PALS2: variants seen among roughly 807,000 people sequenced by gnomAD.
PALS2 encodes the protein protein PALS2.
A neutral mutation model predicts 61.6 loss-of-function variants in PALS2; 27 were observed. The ratio of observed to expected loss-of-function variants is 0.44; its 90% CI spans 0.32 to 0.60. PALS2 has a LOEUF of 0.60. Ranked by LOEUF, PALS2 falls within the 20% of genes least tolerant of loss-of-function variation. The pLI, the probability that PALS2 is intolerant of heterozygous loss-of-function variation, is 0.05. For synonymous variants in PALS2, 236 were observed against 218.6 expected (o/e 1.08, Z -0.70); for missense variants, 554 against 639.4 (o/e 0.87, Z 1.44).
chr7:24,689,279 A>C lies in PALS2; in HGVS notation c.*1665A>C. On this transcript the variant is annotated 3_prime_UTR_variant, in exon 12 of 12. Coordinates refer to ENST00000222644, the MANE Select transcript of PALS2 (RefSeq NM_001303037.2). ...CAGAGATGCAGCTCATTATTAAATT[A>C]AGGTAACCACATTCTGTATTGTTGC... 6.6e-6 allele frequency: 1 copy of C among 152,220 alleles called. No individual in the cohort carries two copies. 9.4% of individuals were successfully genotyped at this position (152,220 alleles called of 1,614,324 possible).
intron 2 of PALS2, among the ~76,000 whole-genome samples, chr7:24,631,054 A>T (rs929530255): frequency 6.6e-6 from 1 of 152,202 alleles, no homozygotes. Flanking sequence ...AGTTAAATAC[A>T]TTTCATAGGA....
intron 10 of PALS2, among the ~76,000 whole-genome samples, chr7:24,679,712 A>C (rs903796861): frequency 1.6e-5 from 2 of 121,508 alleles, no homozygotes; most frequent in Non-Finnish European, 3.2e-5. Context: ...ACACACATGC[A>C]CACCTCTACA....
intron 1 of PALS2, among the ~76,000 whole-genome samples, chr7:24,602,345 T>G (rs534526747): frequency 1.1e-4 from 16 of 152,254 alleles, no homozygotes; most frequent in Non-Finnish European, 1.0e-4. Context: ...TTACTAGGCT[T>G]TTCTCAGCTA....
chr7:24,609,640 C>G (rs1408218625), intron 1 of PALS2, among the ~76,000 whole-genome samples: 1 of 151,946 alleles, frequency 6.6e-6, no homozygotes, highest in Non-Finnish European at 1.5e-5. Flanking sequence ...GGCAATCTCC[C>G]TTCCTCCATC....
chr7:24,607,872 A>G lies in PALS2; in HGVS notation c.-2-15794A>G, dbSNP rs202102640. The stretch of plus-strand genomic sequence containing the variant: ...AAAATCACTAAGATTTTATTAAACA[A>G]TTGCATTCATGTAAATAAAAATTGA... On this transcript the variant is annotated intron_variant, in intron 1 of 11. Transcript: ENST00000222644. Among the ~76,000 whole-genome samples the G allele has an allele frequency of 1.8e-4, 27 of 152,188 alleles. No homozygotes were observed. In the East Asian group the frequency reaches 3.5e-3, roughly 20 times the overall value.
rs753767901 is a variant in PALS2, at chr7:24,687,992, A to G, written c.*378A>G. ...ACTGTGATAATGAATATTACTTGAAATAGTTTTGTAAAGCTGTCATTTAGT... is the reference window on the plus strand; with the variant it reads ...ACTGTGATAATGAATATTACTTGAAGTAGTTTTGTAAAGCTGTCATTTAGT... On this transcript the variant is annotated 3_prime_UTR_variant, in exon 12 of 12. Coordinates refer to ENST00000222644, the MANE Select transcript of PALS2 (RefSeq NM_001303037.2). This position sits in a 1 kb window ranked among gnomAD's most constrained non-coding sequence, Gnocchi z 4.5. The G allele has an allele frequency of 4.4e-4, 69 of 156,068 alleles. No homozygotes were observed. The highest frequency in any genetic ancestry group is 8.6e-4 in the Non-Finnish European group (61 of 70,730). The allele number at this position is 156,068 out of a possible 1,614,324, so 9.7% of individuals were successfully genotyped here.
intron 1 of PALS2, among the ~76,000 whole-genome samples, chr7:24,584,028 A>T (rs1422341112): frequency 2.0e-5 from 3 of 149,966 alleles, no homozygotes; most frequent in Non-Finnish European, 4.5e-5. Context: ...TCCATGGTGT[A>T]TATGTGCCAC....
chr7:24,679,307 A>G lies in PALS2; in HGVS notation c.1291A>G (p.Thr431Ala). 1 of 1,614,002 alleles carries G rather than the reference A, an allele frequency of 6.2e-7. No individual in the cohort carries two copies. The highest frequency in any genetic ancestry group is 8.5e-7 in the Non-Finnish European group (1 of 1,179,922). ...TCTTGAGGTTGTCCAAACTGGACGGACTTGCATTCTGGATGTCAACCCACA... is the reference window on the plus strand; with the variant it reads ...TCTTGAGGTTGTCCAAACTGGACGGGCTTGCATTCTGGATGTCAACCCACA... ...SILEVVQTGR[T>A]CILDVNPQAL... Residue 431 changes from threonine (T) to alanine (A), a missense_variant, in exon 10 of 12, where the codon ACT becomes GCT. By Grantham distance (58) the Thr-to-Ala change is moderately conservative. Transcript: ENST00000222644.
intron 2 of PALS2, among the ~76,000 whole-genome samples, chr7:24,626,187 G>T (rs1245933809): frequency 6.6e-6 from 1 of 151,942 alleles, no homozygotes; most frequent in East Asian, 1.9e-4. Context: ...AACATTTTAG[G>T]ATCAAAAATA....
chr7:24,612,883 C>A (rs943070415), intron 1 of PALS2, among the ~76,000 whole-genome samples: 1 of 151,776 alleles, frequency 6.6e-6, no homozygotes, highest in Non-Finnish European at 1.5e-5. Context: ...CTTGTCTAGT[C>A]CCTGACTTAA....
intron 9 of PALS2, among the ~76,000 whole-genome samples, chr7:24,673,002 G>A (rs1787378054): frequency 6.6e-6 from 1 of 152,164 alleles, no homozygotes; most frequent in African/African-American, 2.4e-5. Flanking sequence ...TAAGGAGAAA[G>A]GAGAAAGCAT....
At chr7:24,657,715 T>C (rs1195530114) in intron 5 of PALS2, among the ~76,000 whole-genome samples, 1 of 152,180 alleles carries the variant, frequency 6.6e-6, no homozygotes, top group Non-Finnish European at 1.5e-5. Flanking sequence ...TGAAATCCAA[T>C]TTATGATTTT....
chr7:24,584,494 C>G (rs1435727427), intron 1 of PALS2, among the ~76,000 whole-genome samples: 53 of 147,002 alleles, frequency 3.6e-4, no homozygotes, highest in African/African-American at 1.1e-3. Flanking sequence ...CCTTCGCCCA[C>G]TTTTTGATGG....
In PALS2 at chr7:24,577,534, C is replaced by T. The variant is rs560902479; in HGVS notation, c.-3+3941C>T. Among the ~76,000 whole-genome samples the T allele has an allele frequency of 9.9e-5, 15 of 152,254 alleles. No homozygotes were observed. In the East Asian group the frequency reaches 1.9e-3, roughly 20 times the overall value. ...ATTTAATCCCTCCTTCACCAATTTA[C>T]ATCTTTTCCTCTTAAATCTATCATT... On this transcript the variant is annotated intron_variant, in intron 1 of 11. Coordinates refer to ENST00000222644, the MANE Select transcript of PALS2 (RefSeq NM_001303037.2).
At chr7:24,664,189 A>G (rs569310302) in intron 6 of PALS2, among the ~76,000 whole-genome samples, 1 of 152,140 alleles carries the variant, frequency 6.6e-6, no homozygotes, top group Non-Finnish European at 1.5e-5. Context: ...CCCTCTTCTC[A>G]GATATTGGGA....
At position 24,689,944 on chromosome 7, in the gene PALS2, A is replaced by G. The variant is rs1398076997; in HGVS notation, c.*2330A>G. 2.0e-5 allele frequency: 3 copies of G among 152,216 alleles called. No individual in the cohort carries two copies. Among genetic ancestry groups the G allele is most frequent in the African/African-American group, 7.2e-5 (3 of 41,452 alleles). 9.4% of individuals were successfully genotyped at this position (152,216 alleles called of 1,614,324 possible). A position where few individuals can be genotyped will look rare whatever the true frequency, so the allele number is the denominator to read the frequency against. The stretch of plus-strand genomic sequence containing the variant: ...GCAGCACAAGAAGTTTATCTGCAAA[A>G]TATTTCAATCATCTTGGTACAATAG... On this transcript the variant is annotated 3_prime_UTR_variant, in exon 12 of 12. Transcript: ENST00000222644.
At chr7:24,579,338 G>T (rs1782751784) in intron 1 of PALS2, among the ~76,000 whole-genome samples, 1 of 152,210 alleles carries the variant, frequency 6.6e-6, no homozygotes, top group Non-Finnish European at 1.5e-5. Flanking sequence ...ATCTGATGTG[G>T]TTGAAATTTC....
intron 11 of PALS2, among the ~76,000 whole-genome samples, chr7:24,681,447 A>T (rs1787923107): frequency 6.6e-6 from 1 of 152,130 alleles, no homozygotes; most frequent in African/African-American, 2.4e-5. Flanking sequence ...CATTTAAAAC[A>T]TACCATTAAT....
At chr7:24,658,841 C>G (rs1786566183) in intron 5 of PALS2, among the ~76,000 whole-genome samples, 1 of 152,022 alleles carries the variant, frequency 6.6e-6, no homozygotes, top group Non-Finnish European at 1.5e-5. Flanking sequence ...AGGTGTGAGC[C>G]ACTGCACCCG....
Sources: gnomAD v4.1 joint callset for allele counts (sites outside exome capture counted in the v4.1 genomes callset) on GRCh38, gnomAD v4.1.1 for gene constraint, Gnocchi (gnomAD v3.1) non-coding constraint, MANE v1.5 for transcripts, NCBI Gene and HGNC (gene_info 2026-07-23, HGNC 2026-07-21) for gene names.